CABIN1: variants seen among roughly 807,000 people sequenced by gnomAD.
CABIN1 encodes calcineurin binding protein 1.
A neutral mutation model predicts 227.7 loss-of-function variants in CABIN1; 133 were observed. The ratio of observed to expected loss-of-function variants is 0.58; its 90% CI spans 0.51 to 0.67. CABIN1 has a LOEUF of 0.67. Among genes scored for constraint, CABIN1 ranks in the 30% least tolerant of loss-of-function variants. The probability of loss-of-function intolerance (pLI) is 0.00; values close to 1 mark genes in which losing one functional copy is unlikely to be tolerated. For missense variants in CABIN1, 2,408 were observed against 2,852.5 expected (o/e 0.84, Z 3.55); for synonymous variants, 1,086 against 1,155.1 (o/e 0.94, Z 1.21).
At chr22:24,117,010 G>A (rs2043125789) in intron 27 of CABIN1, among the ~76,000 whole-genome samples, 2 of 152,186 alleles carry the variant, frequency 1.3e-5, no homozygotes, top group East Asian at 1.9e-4. Flanking sequence ...GGTTAGAATT[G>A]GACATCCTGG....
intron 3 of CABIN1, among the ~76,000 whole-genome samples, chr22:24,036,790 T>C (rs917749217): frequency 3.0e-4 from 46 of 152,108 alleles, no homozygotes; most frequent in African/African-American, 1.0e-3. Flanking sequence ...CCCGCTGCAT[T>C]TTATGGTAGA....
At chr22:24,018,180 T>G (rs1032895971) in intron 1 of CABIN1, among the ~76,000 whole-genome samples, 2 of 152,216 alleles carry the variant, frequency 1.3e-5, no homozygotes, top group African/African-American at 4.8e-5. Context: ...AAGAGCTGTT[T>G]GTATATTAGG....
At chr22:24,133,562 A>G (rs2044208014) in intron 28 of CABIN1, among the ~76,000 whole-genome samples, 1 of 152,242 alleles carries the variant, frequency 6.6e-6, no homozygotes, top group African/African-American at 2.4e-5. Context: ...GGCATTGTGC[A>G]GTCCCAGGTG....
rs1307448399 is a variant in CABIN1, at chr22:24,177,854, G to A, written c.6519+37G>A. Reference sequence around the variant, plus strand: ...GGCTGGGCTGGAGCCATGTGTGGGTGGGAGGCATAGGTTACAAAGGGGGCC... The same window carrying A: ...GGCTGGGCTGGAGCCATGTGTGGGTAGGAGGCATAGGTTACAAAGGGGGCC... On this transcript the variant is annotated intron_variant, in intron 36 of 36. Transcript: ENST00000263119. This position sits in a 1 kb window ranked among gnomAD's most constrained non-coding sequence, Gnocchi z 4.4. 1 of 1,591,236 alleles carries A rather than the reference G, an allele frequency of 6.3e-7. No individual in the cohort carries two copies. The highest frequency in any genetic ancestry group is 1.3e-5 in the African/African-American group (1 of 74,566).
intron 12 of CABIN1, 116 bp from the exon 13 acceptor site, chr22:24,061,827 TAGAA>T (rs2039216453): frequency 1.3e-6 from 1 of 750,022 alleles, no homozygotes; most frequent in Non-Finnish European, 2.3e-6. Flanking sequence ...GGCAAGTGGA[TAGAA>T]AGAATTATAT....
In CABIN1 at chr22:24,119,359, A is replaced by G. The variant is rs199709641; in HGVS notation, c.4301-8A>G. The G allele has an allele frequency of 3.0e-5, 49 of 1,610,486 alleles. No individual in the cohort carries two copies. Among genetic ancestry groups the G allele is most frequent in the Admixed American group, 1.3e-4 (8 of 60,014 alleles). On this transcript the variant is annotated splice_polypyrimidine_tract_variant and splice_region_variant and intron_variant, in intron 27 of 36. Transcript: ENST00000263119. ...GGGTGACTTTCTTTCCCTTCTTCTC[A>G]ACTGTAGGAAAAAACGAGGAGTCAT...
At chr22:24,041,714 T>C (rs887316782) in intron 5 of CABIN1, among the ~76,000 whole-genome samples, 1 of 152,236 alleles carries the variant, frequency 6.6e-6, no homozygotes, top group Non-Finnish European at 1.5e-5. Context: ...ATTGCTGTTA[T>C]TTCATGTTAC....
rs2040030260 is a variant in CABIN1, at chr22:24,070,806, T to G, written c.2239T>G (p.Leu747Val). Residue 747 changes from leucine (L) to valine (V), a missense_variant, in exon 17 of 37, where the codon TTG becomes GTG. Around this residue, in one of 3 missense-constraint regions of CABIN1, gnomAD observed 1,045 missense variants for 1,168.4 expected, o/e 0.89. Transcript: ENST00000263119. ...TGGCTTCTTGCTGTACTAGGACTCCTTGCTCCGGCTGAAGGACTATCGGCA... is the reference window on the plus strand; with the variant it reads ...TGGCTTCTTGCTGTACTAGGACTCCGTGCTCCGGCTGAAGGACTATCGGCA... ...PAQLLLLQDS[L>V]LRLKDYRQCF... 6.2e-7 allele frequency: 1 copy of G among 1,614,224 alleles called. No homozygotes were observed. The highest frequency in any genetic ancestry group is 1.7e-5 in the Admixed American group (1 of 60,030).
chr22:24,126,550 C>CT (rs2043735506), intron 28 of CABIN1, among the ~76,000 whole-genome samples: 3 of 151,960 alleles, frequency 2.0e-5, no homozygotes, highest in African/African-American at 7.3e-5. Flanking sequence ...GCTGGTGTGA[C>CT]TAGAATCTGC....
At chr22:24,031,573 ATGGG>A (rs1330460176) in intron 1 of CABIN1, among the ~76,000 whole-genome samples, 1 of 152,154 alleles carries the variant, frequency 6.6e-6, no homozygotes, top group African/African-American at 2.4e-5. Context: ...AAATCGACCA[ATGGG>A]TAGTTCCTGA....
At position 24,098,070 on chromosome 22, in the gene CABIN1, G is replaced by C; in HGVS notation, c.3995G>C (p.Gly1332Ala). 1 of 1,614,156 alleles carries C rather than the reference G, an allele frequency of 6.2e-7. No individual in the cohort carries two copies. The highest frequency in any genetic ancestry group is 8.5e-7 in the Non-Finnish European group (1 of 1,180,022). Reference sequence around the variant, plus strand: ...CACTCTTCAGCTGGGACACTGCCGGGCCCCGGAGCCTCCCTCCCCTCCTCC... The same window carrying C: ...CACTCTTCAGCTGGGACACTGCCGGCCCCCGGAGCCTCCCTCCCCTCCTCC... ...DSHSSAGTLPGPGASLPSSSG... is the reference protein window; with the variant it reads ...DSHSSAGTLPAPGASLPSSSG... Residue 1332 changes from glycine to alanine, a missense_variant, in exon 26 of 37, where the codon GGC (glycine) becomes GCC (alanine). Around this residue, in one of 3 missense-constraint regions of CABIN1, gnomAD observed 649 missense variants for 910.3 expected, o/e 0.71. Transcript: ENST00000263119.
chr22:24,158,638 C>T (rs1052620044), intron 29 of CABIN1, among the ~76,000 whole-genome samples: 15 of 152,126 alleles, frequency 9.9e-5, no homozygotes, highest in African/African-American at 2.7e-4. Flanking sequence ...CCCATTTCCT[C>T]ATCTGCTTGG....
At chr22:24,160,933 C>T (rs531200397) in intron 29 of CABIN1, among the ~76,000 whole-genome samples, 219 of 152,336 alleles carry the variant, frequency 1.4e-3, no homozygotes, top group Non-Finnish European at 2.7e-3. Context: ...GGAAAGTCTT[C>T]GTGGGTTCCC....
At chr22:24,097,905 G>T in intron 25 of CABIN1, 109 bp from the exon 26 acceptor site, 1 of 1,405,380 alleles carries the variant, frequency 7.1e-7, no homozygotes, top group Non-Finnish European at 1.0e-6. Flanking sequence ...GCCACCAGAG[G>T]TGCATGGGAG....
chr22:24,130,531 G>A (rs1461596260), intron 28 of CABIN1, among the ~76,000 whole-genome samples: 1 of 152,124 alleles, frequency 6.6e-6, no homozygotes, highest in African/African-American at 2.4e-5. Context: ...GCATCATGTT[G>A]CCTTACCTCA....
At chr22:24,032,938 C>A (rs750708393) in intron 1 of CABIN1, among the ~76,000 whole-genome samples, 1 of 152,066 alleles carries the variant, frequency 6.6e-6, no homozygotes, top group Non-Finnish European at 1.5e-5. Flanking sequence ...ATTAGCCAGG[C>A]GTGGTGGCAG....
intron 3 of CABIN1, among the ~76,000 whole-genome samples, chr22:24,037,775 A>AT (rs1238608035): frequency 6.6e-6 from 1 of 152,182 alleles, no homozygotes; most frequent in Non-Finnish European, 1.5e-5. Context: ...CTAACAGCTC[A>AT]TCCCACAAAA....
chr22:24,067,321 G>A (rs1303757791), intron 16 of CABIN1, 140 bp downstream of exon 16: 3 of 883,690 alleles, frequency 3.4e-6, no homozygotes, highest in East Asian at 5.3e-5. Flanking sequence ...AAGCCCCCAG[G>A]AAGATGTTAG....
At chr22:24,155,921 G>C in intron 29 of CABIN1, 1 of 498,636 alleles carries the variant, frequency 2.0e-6, no homozygotes, top group Non-Finnish European at 3.5e-6. Context: ...AGTCAGTTGC[G>C]CTCCTGGGCC....
Sources: allele counts gnomAD v4.1 joint callset (sites outside exome capture counted in the v4.1 genomes callset), GRCh38; gene constraint gnomAD v4.1.1; regional missense constraint gnomAD v4.1.1; non-coding constraint Gnocchi (gnomAD v3.1); transcripts MANE v1.5; gene names NCBI Gene and HGNC (gene_info 2026-07-23, HGNC 2026-07-21).